The following CEP57L1 variants were observed in gnomAD, a reference collection of about 807,000 sequenced individuals.
CEP57L1 encodes centrosomal protein CEP57L1.
In CEP57L1, 37 loss-of-function variants were observed where a neutral mutation model predicts 61.0. The ratio of observed to expected loss-of-function variants is 0.61; its 90% confidence interval spans 0.47 to 0.80. The LOEUF is 0.80. Ranked by LOEUF, CEP57L1 falls within the 30% of genes least tolerant of loss-of-function variation. The pLI, the probability that CEP57L1 is intolerant of heterozygous loss-of-function variation, is 0.00. For synonymous variants in CEP57L1, 137 were observed against 162.3 expected (o/e 0.84, Z 1.19); for missense variants, 422 against 524.7 (o/e 0.80, Z 1.91).
intron 1 of CEP57L1, among the ~76,000 whole-genome samples, chr6:109,132,628 T>A (rs1774319785): frequency 6.6e-6 from 1 of 152,230 alleles, no homozygotes; most frequent in African/African-American, 2.4e-5. Flanking sequence ...GATTGTAATA[T>A]CTATCTGTAT....
intron 1 of CEP57L1, among the ~76,000 whole-genome samples, chr6:109,125,701 T>C (rs1683807433): frequency 6.8e-6 from 1 of 147,684 alleles, no homozygotes; most frequent in Admixed American, 6.8e-5. Flanking sequence ...AGAACCTGTC[T>C]TGACTGATTG....
rs190076666 is a variant in CEP57L1, at chr6:109,152,679, G to A, written c.463-1154G>A. Reference sequence around the variant, plus strand: ...TGTGTGTGTGTGTGTGTGTGTGTGTGTATAACTTTCCTTTTCTCTGTGTTC... The same window carrying A: ...TGTGTGTGTGTGTGTGTGTGTGTGTATATAACTTTCCTTTTCTCTGTGTTC... On this transcript the variant is annotated intron_variant, in intron 4 of 10. Transcript: ENST00000517392. 9.4e-3 allele frequency among the ~76,000 whole-genome samples: 1,203 copies of A among 127,920 alleles called. 23 individuals carry two copies. Among genetic ancestry groups the A allele is most frequent in the African/African-American group, 0.033 (1,152 of 34,708 alleles). The allele number at this position is 127,920 out of a possible 152,430, so 83.9% of individuals were successfully genotyped here. A position where few individuals can be genotyped will look rare whatever the true frequency, so the allele number is the denominator to read the frequency against.
intron 1 of CEP57L1, among the ~76,000 whole-genome samples, chr6:109,136,899 A>T (rs1002320365): frequency 8.6e-5 from 13 of 151,636 alleles, no homozygotes; most frequent in African/African-American, 3.1e-4. Flanking sequence ...GGGATTACAG[A>T]TGTGCGCCAC....
intron 2 of CEP57L1, 68 bp downstream of exon 2, chr6:109,145,449 A>G (rs1481199901): frequency 2.8e-6 from 3 of 1,088,422 alleles, no homozygotes; most frequent in Admixed American, 2.5e-5. Context: ...ATTTATGTGG[A>G]ATACAATATG....
intron 1 of CEP57L1, among the ~76,000 whole-genome samples, chr6:109,120,031 CAT>C (rs1772769119): frequency 1.3e-5 from 2 of 152,040 alleles, no homozygotes; most frequent in African/African-American, 4.8e-5. Context: ...TAATAGGCAA[CAT>C]GTGTTGAGTG....
rs138071903 is a variant in CEP57L1, at chr6:109,160,037, T to C, written c.1017-535T>C. Among the ~76,000 whole-genome samples, 899 of 152,338 alleles carry C rather than the reference T, an allele frequency of 5.9e-3. 13 individuals are homozygous for C. Among genetic ancestry groups the C allele is most frequent in the African/African-American group, 0.021 (858 of 41,584 alleles). ...GCATCTATAGTAAAGAAGATTTCCA[T>C]ATGGGATACATTATATTGTGCCCAC... On this transcript the variant is annotated intron_variant, in intron 9 of 10. Coordinates refer to ENST00000517392, the MANE Select transcript of CEP57L1 (RefSeq NM_001271852.3).
Position 109,174,276 on chromosome 6 carries a change from G to A in CEP57L1, c.*11306G>A, listed in dbSNP as rs565050209. On this transcript the variant is annotated 3_prime_UTR_variant, in exon 11 of 11. Coordinates refer to ENST00000517392, the MANE Select transcript of CEP57L1 (RefSeq NM_001271852.3). ...TCAGATTTCTTGCAGAGGTCATAAT[G>A]TTCCAGACAAGCTGGCAGCAATCAT... 1.3e-5 allele frequency among the ~76,000 whole-genome samples: 2 copies of A among 152,152 alleles called. No individual in the cohort carries two copies. The highest frequency in any genetic ancestry group is 2.9e-5 in the Non-Finnish European group (2 of 68,026).
rs369411990 is a variant in CEP57L1, at chr6:109,166,458, A to C, written c.*3488A>C. Among the ~76,000 whole-genome samples the C allele has an allele frequency of 6.7e-6, 1 of 148,646 alleles. No individual in the cohort carries two copies. Among genetic ancestry groups the C allele is most frequent in the African/African-American group, 2.5e-5 (1 of 39,934 alleles). On this transcript the variant is annotated 3_prime_UTR_variant, in exon 11 of 11. Transcript: ENST00000517392. ...GAGTGCAGTGGCACGATCTCAGCTC[A>C]CTGCAACCTCCACCTCTCAGGTTCA...
chr6:109,124,166 T>C (rs1024125857), intron 1 of CEP57L1, among the ~76,000 whole-genome samples: 11 of 152,284 alleles, frequency 7.2e-5, no homozygotes, highest in African/African-American at 2.6e-4. Context: ...CGTTTGGTTG[T>C]TTCTGTCGTT....
chr6:109,107,159 C>T (rs749383190), intron 1 of CEP57L1, among the ~76,000 whole-genome samples: 4 of 152,114 alleles, frequency 2.6e-5, no homozygotes, highest in Non-Finnish European at 4.4e-5. Flanking sequence ...TTTTGTGAAC[C>T]TAATAAATTA....
At chr6:109,147,839 A>G (rs981214463) in intron 3 of CEP57L1, among the ~76,000 whole-genome samples, 3 of 152,174 alleles carry the variant, frequency 2.0e-5, no homozygotes, top group Non-Finnish European at 4.4e-5. Context: ...AACAACCAGG[A>G]TATTTATCAT....
chr6:109,095,367 G>A (rs1477248293), upstream of CEP57L1: 1 of 985,822 alleles, frequency 1.0e-6, no homozygotes, highest in Non-Finnish European at 1.2e-6. Flanking sequence ...CACCCTAAAA[G>A]TAGTGACGGC....
chr6:109,100,489 A>G (rs779537782), intron 1 of CEP57L1, among the ~76,000 whole-genome samples: 3 of 151,986 alleles, frequency 2.0e-5, no homozygotes, highest in Non-Finnish European at 4.4e-5. Context: ...AGCTCGGCCA[A>G]GATGGTGAAA....
At position 109,103,653 on chromosome 6, in the gene CEP57L1, T is replaced by A. The variant is rs568508611; in HGVS notation, c.-4+8078T>A. Among the ~76,000 whole-genome samples the A allele has an allele frequency of 5.7e-4, 87 of 152,292 alleles. 1 individual carries two copies. Among genetic ancestry groups the A allele is most frequent in the South Asian group, 1.2e-3 (6 of 4,830 alleles). ...CTGTTTTTGGTGTCTCCAAATTTAC[T>A]ATAGTATGCTTTGAATGACTAAATC... On this transcript the variant is annotated intron_variant, in intron 1 of 10. Transcript: ENST00000517392.
intron 1 of CEP57L1, among the ~76,000 whole-genome samples, chr6:109,114,597 C>T (rs1433920012): frequency 1.3e-5 from 2 of 151,910 alleles, no homozygotes; most frequent in African/African-American, 2.4e-5. Context: ...AACAAATACT[C>T]TGTAATCTCA....
intron 1 of CEP57L1, among the ~76,000 whole-genome samples, chr6:109,121,877 A>G (rs1473522309): frequency 6.6e-6 from 1 of 152,212 alleles, no homozygotes; most frequent in East Asian, 1.9e-4. Context: ...AAACAAATCA[A>G]CACCTGTATG....
rs539999015 is a variant in CEP57L1 at position 109,170,388 on chromosome 6, G to A, written c.*7418G>A. 1.3e-5 allele frequency among the ~76,000 whole-genome samples: 2 copies of A among 152,216 alleles called. No individual in the cohort carries two copies. Among genetic ancestry groups the A allele is most frequent in the African/African-American group, 4.8e-5 (2 of 41,534 alleles). On this transcript the variant is annotated 3_prime_UTR_variant, in exon 11 of 11. Transcript: ENST00000517392. ...TTTAGGATAGGTTCTAAAAAACCTT[G>A]AGAGGCATTTTGTTGTTGTTGTTGT...
In CEP57L1 at chr6:109,106,020, T is replaced by G. The variant is rs189494646; in HGVS notation, c.-4+10445T>G. 8.3e-3 allele frequency: 1,262 copies of G among 152,378 alleles called. 14 individuals carry two copies. Among genetic ancestry groups the G allele is most frequent in the South Asian group, 0.02 (98 of 4,828 alleles). 9.4% of individuals were successfully genotyped at this position (152,378 alleles called of 1,614,324 possible). A position where few individuals can be genotyped will look rare whatever the true frequency, so the allele number is the denominator to read the frequency against. ...TAAAGCCTAATGATCTGTCACTGTC[T>G]CTCATCACCCCTAGATGGGACTGTC... is the stretch of plus-strand genomic sequence containing the variant. On this transcript the variant is annotated intron_variant, in intron 1 of 10. Coordinates refer to ENST00000517392, the MANE Select transcript of CEP57L1 (RefSeq NM_001271852.3).
chr6:109,136,471 G>A (rs552975728), intron 1 of CEP57L1, among the ~76,000 whole-genome samples: 2 of 151,056 alleles, frequency 1.3e-5, no homozygotes, highest in Non-Finnish European at 2.9e-5. Context: ...TGTAAATGAC[G>A]AGTTAATGGG....
Sources: allele counts gnomAD v4.1 joint callset (sites outside exome capture counted in the v4.1 genomes callset), GRCh38; gene constraint gnomAD v4.1.1; transcripts MANE v1.5; gene names NCBI Gene and HGNC (gene_info 2026-07-23, HGNC 2026-07-21).